Variants in TNFRSF11B observed in about 807,000 individuals in gnomAD.
The protein encoded by TNFRSF11B is TNF receptor superfamily member 11b.
Under a neutral mutation model 43.4 loss-of-function variants are expected in TNFRSF11B, and 16 were observed. That is an observed-to-expected ratio of 0.37 (90% CI 0.25 to 0.56). TNFRSF11B has a LOEUF of 0.56. Ranked by LOEUF, TNFRSF11B falls within the 20% of genes least tolerant of loss-of-function variation. The probability of loss-of-function intolerance (pLI) is 0.80; values close to 1 mark genes in which losing one functional copy is unlikely to be tolerated. For synonymous variants in TNFRSF11B, 185 were observed against 181.8 expected (o/e 1.02, Z -0.14); for missense variants, 444 against 490.1 (o/e 0.91, Z 0.89).
intron 1 of TNFRSF11B, among the ~76,000 whole-genome samples, chr8:118,937,945 A>C (rs1400224973): frequency 6.6e-6 from 1 of 152,096 alleles, no homozygotes; most frequent in African/African-American, 2.4e-5. Context: ...TAAATGTTTT[A>C]AGTCAAAATA....
At chr8:118,941,673 G>T (rs758493006) in intron 1 of TNFRSF11B, among the ~76,000 whole-genome samples, 1 of 151,394 alleles carries the variant, frequency 6.6e-6, no homozygotes, top group Non-Finnish European at 1.5e-5. Context: ...GCTTCTTCAG[G>T]GGAATTTTAT....
In TNFRSF11B at chr8:118,928,933, C is replaced by G. The variant is rs557774525; in HGVS notation, c.401-4G>C. The stretch of plus-strand genomic sequence containing the variant: ...ACTGTATTTCGCTCTGGGGTTCCTA[C>G]AGAAAATACCAAGCAATTTAGTACC... On this transcript the variant is annotated splice_region_variant and splice_polypyrimidine_tract_variant and intron_variant, in intron 2 of 4. Transcript: ENST00000297350. The G allele has an allele frequency of 6.8e-6, 11 of 1,613,944 alleles. No homozygotes were observed. In the African/African-American group the frequency reaches 9.3e-5, roughly 14 times the overall value.
chr8:118,951,541 CCTCT>C (rs1563695564), intron 1 of TNFRSF11B, among the ~76,000 whole-genome samples: 1 of 147,542 alleles, frequency 6.8e-6, no homozygotes, highest in Non-Finnish European at 1.5e-5. Context: ...TCTCTCTCTC[CCTCT>C]CTCTCGCTGT....
intron 1 of TNFRSF11B, among the ~76,000 whole-genome samples, chr8:118,933,970 C>G (rs1457501753): frequency 1.3e-5 from 2 of 152,012 alleles, no homozygotes; most frequent in Admixed American, 1.3e-4. Flanking sequence ...AAAAATAATA[C>G]ATTATAATAA....
At chr8:118,940,949 A>G (rs1477744540) in intron 1 of TNFRSF11B, among the ~76,000 whole-genome samples, 4 of 152,188 alleles carry the variant, frequency 2.6e-5, no homozygotes, top group African/African-American at 9.7e-5. Context: ...AGTATTCAAT[A>G]TATCTTTTTT....
chr8:118,923,936 G>T lies in TNFRSF11B; in HGVS notation c.*438C>A, dbSNP rs921680522. 1.9e-5 allele frequency: 3 copies of T among 156,502 alleles called. No individual in the cohort carries two copies. Among genetic ancestry groups the T allele is most frequent in the Non-Finnish European group, 4.3e-5 (3 of 70,356 alleles). The allele number at this position is 156,502 out of a possible 1,614,324, so 9.7% of individuals were successfully genotyped here. ...ATATGTACAAATCTTATATCTGAAT[G>T]AATATAAATAGCAATACTGTAATAG... On this transcript the variant is annotated 3_prime_UTR_variant, in exon 5 of 5. Coordinates refer to ENST00000297350, the MANE Select transcript of TNFRSF11B (RefSeq NM_002546.4).
intron 1 of TNFRSF11B, among the ~76,000 whole-genome samples, chr8:118,949,318 G>A (rs1176664303): frequency 6.6e-6 from 1 of 152,036 alleles, no homozygotes; most frequent in Non-Finnish European, 1.5e-5. Context: ...CCAGGATGAC[G>A]GTAGATGGCC....
intron 4 of TNFRSF11B, among the ~76,000 whole-genome samples, chr8:118,925,454 T>C (rs1185853617): frequency 6.6e-6 from 1 of 152,048 alleles, no homozygotes; most frequent in African/African-American, 2.4e-5. Flanking sequence ...CTTCCAATTC[T>C]AACGGTCTCT....
In TNFRSF11B at chr8:118,924,555, A is replaced by C; in HGVS notation, c.1025T>G (p.Leu342Trp). The C allele has an allele frequency of 6.2e-7, 1 of 1,614,166 alleles. No individual in the cohort carries two copies. Among genetic ancestry groups the C allele is most frequent in the Non-Finnish European group, 8.5e-7 (1 of 1,180,030 alleles). Residue 342 changes from leucine (L) to tryptophan (W), a missense_variant, in exon 5 of 5, where the codon TTG becomes TGG. Leu to Trp is a moderately conservative substitution (Grantham distance 61). Transcript: ENST00000297350. ...WRIKNGDQDT[L>W]KGLMHALKHS... Reference sequence around the variant, plus strand: ...CTTTAGTGCGTGCATTAGGCCCTTCAAGGTGTCTTGGTCGCCATTTTTTAT... The same window carrying C: ...CTTTAGTGCGTGCATTAGGCCCTTCCAGGTGTCTTGGTCGCCATTTTTTAT...
intron 1 of TNFRSF11B, among the ~76,000 whole-genome samples, chr8:118,947,747 G>T (rs746683176): frequency 6.6e-6 from 1 of 152,114 alleles, no homozygotes; most frequent in Admixed American, 6.5e-5. Flanking sequence ...AATTTGTTCT[G>T]TTTAAAACTC....
chr8:118,944,266 G>A (rs3102729), intron 1 of TNFRSF11B, among the ~76,000 whole-genome samples: 10,364 of 152,158 alleles, frequency 0.068, 395 homozygotes, highest in East Asian at 0.13. Flanking sequence ...TCCTCTGTCC[G>A]GGACCTAGGA....
intron 1 of TNFRSF11B, among the ~76,000 whole-genome samples, chr8:118,943,350 G>T (rs1812514751): frequency 6.6e-6 from 1 of 152,088 alleles, no homozygotes; most frequent in African/African-American, 2.4e-5. Context: ...GCTGAAGGAG[G>T]AGCTGAAAAA....
At chr8:118,936,705 G>A (rs1408230864) in intron 1 of TNFRSF11B, among the ~76,000 whole-genome samples, 2 of 151,922 alleles carry the variant, frequency 1.3e-5, no homozygotes, top group African/African-American at 2.4e-5. Flanking sequence ...CACATGCATC[G>A]GTGTGTCTGA....
chr8:118,926,276 C>T (rs1812242640), intron 4 of TNFRSF11B, among the ~76,000 whole-genome samples: 1 of 152,168 alleles, frequency 6.6e-6, no homozygotes, highest in Non-Finnish European at 1.5e-5. Context: ...ACATACTTTA[C>T]AAGGAAACTG....
At chr8:118,936,166 G>T (rs1055870501) in intron 1 of TNFRSF11B, among the ~76,000 whole-genome samples, 5 of 152,282 alleles carry the variant, frequency 3.3e-5, no homozygotes, top group South Asian at 2.1e-4. Context: ...GATACAGGGA[G>T]GTTGAGGTGA....
At position 118,951,862 on chromosome 8, in the gene TNFRSF11B, G is replaced by A. The variant is rs1812653447; in HGVS notation, c.-41C>T. On this transcript the variant is annotated 5_prime_UTR_variant, in exon 1 of 5. Transcript: ENST00000297350. The stretch of plus-strand genomic sequence containing the variant: ...CCTCAGGGGCTTGGAGGCGGCGGCT[G>A]GGCGAGCGCTCCGGTGCGTCTCCGC... 2.6e-6 allele frequency: 4 copies of A among 1,560,508 alleles called. No individual in the cohort carries two copies. Among genetic ancestry groups the A allele is most frequent in the Non-Finnish European group, 1.7e-6 (2 of 1,149,962 alleles).
chr8:118,928,220 C>T (rs1812273877), intron 3 of TNFRSF11B, among the ~76,000 whole-genome samples: 2 of 152,196 alleles, frequency 1.3e-5, no homozygotes, highest in African/African-American at 4.8e-5. Flanking sequence ...CAAGGTTTCA[C>T]CATGTTGGTC....
chr8:118,932,633 T>A (rs1812345018), intron 2 of TNFRSF11B, among the ~76,000 whole-genome samples: 1 of 148,328 alleles, frequency 6.7e-6, no homozygotes, highest in Non-Finnish European at 1.5e-5. Context: ...AGATCAACTA[T>A]CAATAGTGCA....
At chr8:118,941,127 A>G (rs1212085164) in intron 1 of TNFRSF11B, among the ~76,000 whole-genome samples, 1 of 152,178 alleles carries the variant, frequency 6.6e-6, no homozygotes, top group Non-Finnish European at 1.5e-5. Flanking sequence ...TGCCTAAAGG[A>G]AGAGATTTTT....
Sources: gnomAD v4.1 joint callset for allele counts (sites outside exome capture counted in the v4.1 genomes callset) on GRCh38, gnomAD v4.1.1 for gene constraint, MANE v1.5 for transcripts, NCBI Gene and HGNC (gene_info 2026-07-23, HGNC 2026-07-21) for gene names.